The following PDE4D variants were observed in gnomAD, a reference collection of about 807,000 sequenced individuals.
The protein encoded by PDE4D is phosphodiesterase 4D.
In PDE4D, 24 loss-of-function variants were observed where a neutral mutation model predicts 87.4. The ratio of observed to expected loss-of-function variants is 0.27; its 90% CI spans 0.20 to 0.39. The LOEUF is 0.39. PDE4D is among the 10% of genes least tolerant of loss of function. The pLI is 1.00. For missense variants in PDE4D, 714 were observed against 1,041.0 expected, an observed-to-expected ratio of 0.69 and a Z score of 4.32; for synonymous variants, 384 against 383.2, an observed-to-expected ratio of 1.00 and a Z score of -0.02.
chr5:59,877,722 G>C (rs1748819009), intron 1 of PDE4D, among the ~76,000 whole-genome samples: 1 of 152,012 alleles, frequency 6.6e-6, no homozygotes. Context: ...GGGAGGCTGA[G>C]GTGGGAGGAT....
chr5:59,956,849 T>A (rs1237226312), intron 3 of PDE4D, among the ~76,000 whole-genome samples: 1 of 152,110 alleles, frequency 6.6e-6, no homozygotes, highest in Non-Finnish European at 1.5e-5. Flanking sequence ...ATTGCCTAAA[T>A]TGAAACAAAT....
At chr5:60,091,237 T>C (rs1430124470) in intron 2 of PDE4D, among the ~76,000 whole-genome samples, 1 of 152,114 alleles carries the variant, frequency 6.6e-6, no homozygotes, top group Non-Finnish European at 1.5e-5. Flanking sequence ...AGAGAAAATA[T>C]TCGCAAACTA....
intron 3 of PDE4D, among the ~76,000 whole-genome samples, chr5:59,942,964 T>A (rs1757338832): frequency 2.0e-5 from 3 of 150,196 alleles, no homozygotes; most frequent in Non-Finnish European, 1.5e-5. Context: ...TAAAGAATGC[T>A]GCTAAATATC....
At chr5:59,249,996 TA>T (rs1411698403) in intron 1 of PDE4D, among the ~76,000 whole-genome samples, 2 of 151,750 alleles carry the variant, frequency 1.3e-5, no homozygotes, top group African/African-American at 2.4e-5. Context: ...GGACACACCA[TA>T]AAAAAATAAT....
intron 1 of PDE4D, among the ~76,000 whole-genome samples, chr5:59,852,890 GT>G (rs1581426209): frequency 6.6e-6 from 1 of 151,880 alleles, no homozygotes; most frequent in Non-Finnish European, 1.5e-5. Context: ...GGCTAAATCT[GT>G]GGTTCTTGTT....
intron 5 of PDE4D, among the ~76,000 whole-genome samples, chr5:59,137,981 T>C (rs1777360441): frequency 6.6e-6 from 1 of 152,222 alleles, no homozygotes; most frequent in South Asian, 2.1e-4. Context: ...TTATTCCCAG[T>C]TGCAGGTGCT....
At chr5:60,238,875 G>GTTTGT (rs1746744850) in intron 1 of PDE4D, among the ~76,000 whole-genome samples, 1 of 151,762 alleles carries the variant, frequency 6.6e-6, no homozygotes. Flanking sequence ...TTTCTTTATA[G>GTTTGT]TTTGTCTTTT....
intron 1 of PDE4D, among the ~76,000 whole-genome samples, chr5:60,474,109 T>TAA (rs1416717684): frequency 6.9e-5 from 4 of 58,262 alleles, no homozygotes; most frequent in African/African-American, 4.7e-4. Flanking sequence ...AGCTGCCATA[T>TAA]ATATATATAT....
At chr5:60,023,260 G>T (rs1371727462) in intron 2 of PDE4D, among the ~76,000 whole-genome samples, 1 of 152,094 alleles carries the variant, frequency 6.6e-6, no homozygotes, top group Non-Finnish European at 1.5e-5. Context: ...ATAGCATTCA[G>T]CCCTCCTTAA....
chr5:59,850,048 T>C (rs998546055), intron 1 of PDE4D, among the ~76,000 whole-genome samples: 1 of 152,040 alleles, frequency 6.6e-6, no homozygotes, highest in African/African-American at 2.4e-5. Context: ...GAGATTTGCA[T>C]TGATTAACGT....
Position 59,955,655 on chromosome 5 carries a change from G to A in PDE4D, c.272+32833C>T, listed in dbSNP as rs188482525. 2.6e-5 allele frequency among the ~76,000 whole-genome samples: 4 copies of A among 152,250 alleles called. No homozygotes were observed. The East Asian group carries it at 7.7e-4, about 29-fold the overall frequency. On this transcript the variant is annotated intron_variant, in intron 3 of 16. Transcript: ENST00000502484. The stretch of plus-strand genomic sequence containing the variant: ...CCCAATCATTTTAACCATGGCAAGA[G>A]CCAGCTATAAGGATTGCCTCTTGTA...
intron 1 of PDE4D, among the ~76,000 whole-genome samples, chr5:59,383,786 T>C (rs1437821318): frequency 6.6e-6 from 1 of 152,232 alleles, no homozygotes; most frequent in Non-Finnish European, 1.5e-5. Context: ...ATTTTGCTTA[T>C]ATACCTACAT....
In PDE4D at chr5:59,925,174, C is replaced by CAAAAAAAAA. The variant is rs71606612; in HGVS notation, c.272+63305_272+63313dup. Among the ~76,000 whole-genome samples, 13 of 101,794 alleles carry CAAAAAAAAA rather than the reference C, an allele frequency of 1.3e-4. 4 individuals carry two copies. Among genetic ancestry groups the CAAAAAAAAA allele is most frequent in the African/African-American group, 1.6e-4 (3 of 18,378 alleles). The allele number at this position is 101,794 out of a possible 152,430, so 66.8% of individuals were successfully genotyped here. On this transcript the variant is annotated intron_variant, in intron 3 of 16. Coordinates refer to the PDE4D transcript ENST00000502484. Reference sequence around the variant, plus strand: ...TGGGCAACAGAGCGAGACTGCATCTCAAAAAAAAAAGAAACAATGAAAGTT... The same window carrying CAAAAAAAAA: ...TGGGCAACAGAGCGAGACTGCATCTCAAAAAAAAAAAAAAAAAAAGAAACAATGAAAGTT...
intron 2 of PDE4D, among the ~76,000 whole-genome samples, chr5:60,169,320 A>AT (rs1377460732): frequency 6.6e-6 from 1 of 152,094 alleles, no homozygotes. Context: ...GATCAACTAC[A>AT]TTTTTTACAA....
At chr5:59,835,159 C>T (rs2152701956) in intron 1 of PDE4D, among the ~76,000 whole-genome samples, 1 of 152,188 alleles carries the variant, frequency 6.6e-6, no homozygotes, top group African/African-American at 2.4e-5. Context: ...TTGCTGGATA[C>T]ATATTCTTGA....
intron 5 of PDE4D, among the ~76,000 whole-genome samples, chr5:59,160,382 A>G (rs7737978): frequency 6.6e-6 from 1 of 152,052 alleles, no homozygotes; most frequent in Admixed American, 6.6e-5. Context: ...CTGGCTATCT[A>G]GCTATCTAGT....
At chr5:60,009,334 A>AT (rs957615834) in intron 2 of PDE4D, among the ~76,000 whole-genome samples, 98 of 151,630 alleles carry the variant, frequency 6.5e-4, no homozygotes, top group Non-Finnish European at 1.0e-3. Context: ...GGCTCACAAG[A>AT]TTTTTTTTTA....
intron 1 of PDE4D, among the ~76,000 whole-genome samples, chr5:60,189,708 T>C (rs899639705): frequency 5.9e-5 from 9 of 152,202 alleles, no homozygotes; most frequent in African/African-American, 2.2e-4. Flanking sequence ...ACTAATACTT[T>C]TTTCTTCTAC....
intron 1 of PDE4D, among the ~76,000 whole-genome samples, chr5:59,426,458 G>T (rs1291775183): frequency 6.6e-6 from 1 of 151,978 alleles, no homozygotes; most frequent in African/African-American, 2.4e-5. Flanking sequence ...GCGATAATAG[G>T]GAGAGCAAGC....
Sources: allele counts gnomAD v4.1 joint callset (sites outside exome capture counted in the v4.1 genomes callset), GRCh38; gene constraint gnomAD v4.1.1; transcripts MANE v1.5; gene names NCBI Gene and HGNC (gene_info 2026-07-23, HGNC 2026-07-21).